The following SACS variants were observed in gnomAD, a reference collection of about 807,000 sequenced individuals.
The protein encoded by SACS is sacsin.
Under a neutral mutation model 348.0 loss-of-function variants are expected in SACS, and 197 were observed. The ratio of observed to expected loss-of-function variants is 0.57; its 90% CI spans 0.50 to 0.64. SACS has a LOEUF of 0.64. SACS is among the 30% of genes least tolerant of loss of function. The probability of loss-of-function intolerance (pLI) is 0.00; values close to 1 mark genes in which losing one functional copy is unlikely to be tolerated. For missense variants in SACS, 4,999 were observed against 5,360.8 expected (o/e 0.93, Z 2.11); for synonymous variants, 1,985 against 1,910.6 (o/e 1.04, Z -1.02).
At chr13:23,388,474 A>G (rs1470257804) in intron 2 of SACS, among the ~76,000 whole-genome samples, 39 of 127,388 alleles carry the variant, frequency 3.1e-4, no homozygotes, top group African/African-American at 1.1e-3. Flanking sequence ...AAATATAAAA[A>G]TATGGTGTGT....
Position 23,331,935 on chromosome 13 carries a change from GTTC to G in SACS, c.11938_11940del (p.Glu3980del). 1.2e-6 allele frequency: 2 copies of G among 1,614,040 alleles called. No individual in the cohort carries two copies. The highest frequency in any genetic ancestry group is 1.7e-6 in the Non-Finnish European group (2 of 1,179,944). On this transcript the variant is annotated inframe_deletion, in exon 10 of 10. Coordinates refer to ENST00000382292, the MANE Select transcript of SACS (RefSeq NM_014363.6). ...ACTTTGGGAGTCTCTTCATCTAATT[GTTC>G]TTCAAGTATACTGCTCAATAATCGA...
In SACS at chr13:23,354,591, C is replaced by T. The variant is rs770199696; in HGVS notation, c.2021G>A (p.Gly674Asp). Reference sequence around the variant, plus strand: ...AGATGAGGAGAAGGGGACAAAATTGCCATTTTGTAAAGGGAGCAGCTCCAG... The same window carrying T: ...AGATGAGGAGAAGGGGACAAAATTGTCATTTTGTAAAGGGAGCAGCTCCAG... ...LGLELLPLQN[G>D]NFVPFSSSVS... The change falls in exon 8 of 10, where the codon GGC becomes GAC. Residue 674 changes from glycine (G) to aspartate (D), a missense_variant. Physicochemically the swap from Gly to Asp is moderately conservative, Grantham distance 94 (BLOSUM62 -1). Around this residue, in one of 6 missense-constraint regions of SACS, gnomAD observed 3,156 missense variants for 3,380.1 expected, o/e 0.93. Transcript: ENST00000382292. 22 of 1,614,052 alleles carry T rather than the reference C, an allele frequency of 1.4e-5. No homozygotes were observed. The highest frequency in any genetic ancestry group is 1.8e-5 in the Non-Finnish European group (21 of 1,180,036).
chr13:23,428,414 G>C (rs186224184), intron 1 of SACS: 1 of 152,110 alleles, frequency 6.6e-6, no homozygotes, highest in African/African-American at 2.4e-5. Flanking sequence ...TGGAAAAGTC[G>C]GATGAATTCA....
chr13:23,389,000 T>C (rs1434408794), intron 2 of SACS, among the ~76,000 whole-genome samples: 4 of 152,156 alleles, frequency 2.6e-5, no homozygotes, highest in Non-Finnish European at 4.4e-5. Flanking sequence ...AAAAAATACA[T>C]AACATGAGTT....
chr13:23,335,336 A>G lies in SACS; in HGVS notation c.8540T>C (p.Leu2847Pro), dbSNP rs1391403622. The G allele has an allele frequency of 1.2e-6, 2 of 1,613,858 alleles. No individual in the cohort carries two copies. The highest frequency in any genetic ancestry group is 1.7e-6 in the Non-Finnish European group (2 of 1,179,906). The part of the protein sequence containing the change: ...ISAHKNQDIT[L>P]FPRGGVAACI... Reference sequence around the variant, plus strand: ...GGCAGCTACTCCACCACGTGGGAAAAGAGTAATATCTTGGTTCTTGTGAGC... The same window carrying G: ...GGCAGCTACTCCACCACGTGGGAAAGGAGTAATATCTTGGTTCTTGTGAGC... Residue 2847 changes from leucine to proline, a missense_variant, in exon 10 of 10, where the codon CTT (leucine) becomes CCT (proline). Coordinates refer to ENST00000382292, the MANE Select transcript of SACS (RefSeq NM_014363.6). The surrounding 1 kb of genome is among the most constrained non-coding windows in gnomAD (Gnocchi z 4.7).
chr13:23,335,892 T>C lies in SACS; in HGVS notation c.7984A>G (p.Ser2662Gly). The change falls in exon 10 of 10, where the codon AGT becomes GGT. Residue 2662 changes from serine (S) to glycine (G), a missense_variant. Coordinates refer to ENST00000382292, the MANE Select transcript of SACS (RefSeq NM_014363.6). The surrounding 1 kb of genome is among the most constrained non-coding windows in gnomAD (Gnocchi z 4.7). ...ARYAPGATSI[S>G]PGRMFRDLDA... ...AAATCTCTAAACATGCGTCCGGGAC[T>C]AATGGATGTGGCCCCTGGTGCATAT... The C allele has an allele frequency of 6.2e-7, 1 of 1,613,580 alleles. No homozygotes were observed. The highest frequency in any genetic ancestry group is 8.5e-7 in the Non-Finnish European group (1 of 1,179,590).
Position 23,375,281 on chromosome 13 carries a change from A to T in SACS, c.21-12T>A. 2 of 1,441,998 alleles carry T rather than the reference A, an allele frequency of 1.4e-6. No homozygotes were observed. Among genetic ancestry groups the T allele is most frequent in the Non-Finnish European group, 1.8e-6 (2 of 1,090,344 alleles). 89.3% of individuals were successfully genotyped at this position (1,441,998 alleles called of 1,614,324 possible). On this transcript the variant is annotated splice_polypyrimidine_tract_variant and intron_variant, in intron 2 of 9. Transcript: ENST00000382292. ...TCACCGGGACCCACCTGTGGAAAGC[A>T]GAGGGACGCTCAGTCGGGCTGCGGC...
intron 9 of SACS, among the ~76,000 whole-genome samples, chr13:23,346,366 G>C (rs1429206968): frequency 6.6e-6 from 1 of 152,084 alleles, no homozygotes; most frequent in African/African-American, 2.4e-5. Context: ...AGCTGGTCTT[G>C]AACTCCTGAC....
chr13:23,374,499 C>G (rs1871617292), intron 3 of SACS, among the ~76,000 whole-genome samples: 3 of 152,210 alleles, frequency 2.0e-5, no homozygotes, highest in African/African-American at 7.2e-5. Context: ...AAAGAGTTAA[C>G]TGTCAGTAAA....
Position 23,331,910 on chromosome 13 carries a change from A to C in SACS, c.11966T>G (p.Val3989Gly). The C allele has an allele frequency of 6.2e-7, 1 of 1,614,050 alleles. No homozygotes were observed. Among genetic ancestry groups the C allele is most frequent in the Non-Finnish European group, 8.5e-7 (1 of 1,179,954 alleles). ...EEQLDEETPK[V>G]CQFGALCSLQ... The stretch of plus-strand genomic sequence containing the variant: ...AGAACACAACGCTCCAAACTGACAA[A>C]CTTTGGGAGTCTCTTCATCTAATTG... The change falls in exon 10 of 10, where the codon GTT becomes GGT. Residue 3989 changes from valine to glycine, a missense_variant. Around this residue, in one of 6 missense-constraint regions of SACS, gnomAD observed 831 missense variants for 941.8 expected, o/e 0.88. Coordinates refer to ENST00000382292, the MANE Select transcript of SACS (RefSeq NM_014363.6).
intron 2 of SACS, among the ~76,000 whole-genome samples, chr13:23,399,596 G>T (rs1225502900): frequency 2.0e-5 from 3 of 152,130 alleles, no homozygotes; most frequent in Non-Finnish European, 4.4e-5. Flanking sequence ...AGCCTATGGG[G>T]ATAGGACACA....
chr13:23,374,918 T>C (rs1462430414), intron 3 of SACS, among the ~76,000 whole-genome samples: 3 of 150,792 alleles, frequency 2.0e-5, no homozygotes, highest in Non-Finnish European at 4.4e-5. Flanking sequence ...TCAGATGAAA[T>C]GATGGGTGGG....
intron 5 of SACS, among the ~76,000 whole-genome samples, chr13:23,368,048 G>A (rs1871167858): frequency 1.3e-5 from 2 of 152,160 alleles, no homozygotes; most frequent in Admixed American, 6.5e-5. Context: ...ATCGTAGAAT[G>A]TATTTGGCTG....
chr13:23,378,012 T>C (rs1415050672), intron 2 of SACS, among the ~76,000 whole-genome samples: 1 of 152,252 alleles, frequency 6.6e-6, no homozygotes, highest in East Asian at 1.9e-4. Flanking sequence ...ATTGCTTCGC[T>C]TTTATTTTTA....
intron 9 of SACS, among the ~76,000 whole-genome samples, chr13:23,344,661 A>ATTTTTGTAGCAGTTTAATAAATGAAATGG (rs1240749827): frequency 6.6e-6 from 1 of 152,216 alleles, no homozygotes; most frequent in Non-Finnish European, 1.5e-5. Flanking sequence ...CAGCAAAATA[A>ATTTTTGTAGCAGTTTAATAAATGAAATGG]TTTTTGTAGC....
chr13:23,347,231 A>T (rs1006901667), intron 9 of SACS, among the ~76,000 whole-genome samples: 3 of 152,192 alleles, frequency 2.0e-5, no homozygotes, highest in African/African-American at 7.2e-5. Flanking sequence ...TTTAATTTTT[A>T]AAAAGTTTTG....
chr13:23,356,828 A>T (rs1407522252), intron 7 of SACS, among the ~76,000 whole-genome samples: 3 of 152,194 alleles, frequency 2.0e-5, no homozygotes, highest in African/African-American at 7.2e-5. Context: ...TCAATCTTTA[A>T]TACCTACGGT....
At chr13:23,391,935 G>A (rs181922686) in intron 2 of SACS, among the ~76,000 whole-genome samples, 2 of 152,302 alleles carry the variant, frequency 1.3e-5, no homozygotes, top group African/African-American at 2.4e-5. Context: ...CCCTTCAGAA[G>A]CTGACAGAGC....
In SACS at chr13:23,333,585, C is replaced by G. The variant is rs144179865; in HGVS notation, c.10291G>C (p.Val3431Leu). ...VSIGKFGTCY[V>L]LTKSIPSAEV... ...GCTGAAGGGATACTTTTTGTAAGTA[C>G]GTAGCATGTTCCAAATTTTCCAATG... Residue 3431 changes from valine (V) to leucine (L), a missense_variant, in exon 10 of 10, where the codon GTA (valine) becomes CTA (leucine). Transcript: ENST00000382292. 7.4e-4 allele frequency: 1,195 copies of G among 1,613,562 alleles called. 9 individuals are homozygous for G. The South Asian group carries it at 8.8e-3, about 12-fold the overall frequency.
Sources: gnomAD v4.1 joint callset for allele counts (sites outside exome capture counted in the v4.1 genomes callset) on GRCh38, gnomAD v4.1.1 for gene constraint, gnomAD v4.1.1 regional missense constraint, Gnocchi (gnomAD v3.1) non-coding constraint, MANE v1.5 for transcripts, NCBI Gene and HGNC (gene_info 2026-07-23, HGNC 2026-07-21) for gene names.